YJU2B: variants seen among roughly 807,000 people sequenced by gnomAD.
The protein encoded by YJU2B is probable splicing factor YJU2B.
Under a neutral mutation model 38.0 loss-of-function variants are expected in YJU2B, and 18 were observed. The observed-to-expected ratio is 0.47, with a 90% CI of 0.33 to 0.70. The LOEUF is 0.70. Among genes scored for constraint, YJU2B ranks in the 30% least tolerant of loss-of-function variants. The pLI, the probability that YJU2B is intolerant of heterozygous loss-of-function variation, is 0.02. For missense variants in YJU2B, 538 were observed against 556.3 expected (o/e 0.97, Z 0.33); for synonymous variants, 246 against 225.4 (o/e 1.09, Z -0.82).
Position 13,763,045 on chromosome 19 carries a change from T to G in YJU2B, c.1168T>G (p.Tyr390Asp). Reference protein sequence around the residue: ...CSLGSSLVADYSDSESE With the variant: ...CSLGSSLVADDSDSESE ...TCTCGGCTCCTCCCTCGTGGCGGAC[T>G]ACTCCGACTCGGAGAGTGAGTGAGC... The change falls in exon 10 of 10, where the codon TAC becomes GAC. Residue 390 changes from tyrosine to aspartate, a missense_variant. Tyr to Asp is a radical substitution (Grantham distance 160, BLOSUM62 -3). Coordinates refer to ENST00000221554, the MANE Select transcript of YJU2B (RefSeq NM_030818.4). 1 of 1,566,434 alleles carries G rather than the reference T, an allele frequency of 6.4e-7. No individual in the cohort carries two copies. Among genetic ancestry groups the G allele is most frequent in the Non-Finnish European group, 8.7e-7 (1 of 1,155,394 alleles).
At chr19:13,740,185 T>C (rs1328718057) in intron 2 of YJU2B, among the ~76,000 whole-genome samples, 3 of 152,172 alleles carry the variant, frequency 2.0e-5, no homozygotes, top group Non-Finnish European at 4.4e-5. Flanking sequence ...AAGCCATCAC[T>C]CTCAGCAAAC....
chr19:13,758,766 T>C, intron 6 of YJU2B, 102 bp from the exon 7 acceptor site: 1 of 1,406,538 alleles, frequency 7.1e-7, no homozygotes, highest in Non-Finnish European at 9.8e-7. Context: ...AGTGAATTTT[T>C]GTCAAATGAC....
In YJU2B at chr19:13,752,560, G is replaced by A. The variant is rs559223799; in HGVS notation, c.3+749G>A. ...GGAGTTTGAGACTACCCTGGCCAAC[G>A]TGGTGAAACCCCGTCTCTACTAAAA... On this transcript the variant is annotated intron_variant, in intron 2 of 9. Coordinates refer to ENST00000221554, the MANE Select transcript of YJU2B (RefSeq NM_030818.4). 1.1e-4 allele frequency among the ~76,000 whole-genome samples: 16 copies of A among 152,048 alleles called. No homozygotes were observed. The South Asian group carries it at 3.1e-3, about 30-fold the overall frequency.
chr19:13,742,922 A>AC (rs946943210), upstream of YJU2B, among the ~76,000 whole-genome samples: 16 of 151,700 alleles, frequency 1.1e-4, no homozygotes, highest in African/African-American at 3.9e-4. Context: ...CCTACAGCAC[A>AC]CCCCCCACCT....
chr19:13,746,125 A>ACTACTC (rs1973244058), upstream of YJU2B, among the ~76,000 whole-genome samples: 1 of 151,866 alleles, frequency 6.6e-6, no homozygotes, highest in African/African-American at 2.4e-5. Flanking sequence ...GGTGGCGGGC[A>ACTACTC]CCTGTAGTCC....
rs777624240 is a variant in YJU2B, at chr19:13,762,621, C to T, written c.744C>T (p.Thr248=). The T allele has an allele frequency of 2.0e-6, 3 of 1,532,696 alleles. No individual in the cohort carries two copies. Among genetic ancestry groups the T allele is most frequent in the African/African-American group, 2.8e-5 (2 of 72,660 alleles). The allele number at this position is 1,532,696 out of a possible 1,614,324, so 94.9% of individuals were successfully genotyped here. ...AGGACAAGCAGAAACTCAAGCGGACCGAGATCATCAGCCGCTCCTGGTTCC... is the reference window on the plus strand; with the variant it reads ...AGGACAAGCAGAAACTCAAGCGGACTGAGATCATCAGCCGCTCCTGGTTCC... The part of the protein sequence containing the change: ...SYEDKQKLKR[T]EIISRSWFPS... The change falls in exon 10 of 10, where the codon ACC becomes ACT. Residue 248 remains threonine, a synonymous_variant. Coordinates refer to ENST00000221554, the MANE Select transcript of YJU2B (RefSeq NM_030818.4).
At chr19:13,759,814 T>TTTTG (rs1973820620) in intron 8 of YJU2B, among the ~76,000 whole-genome samples, 1 of 149,670 alleles carries the variant, frequency 6.7e-6, no homozygotes, top group African/African-American at 2.5e-5. Context: ...TTTTTTTTTT[T>TTTTG]GAGACTGAGT....
At chr19:13,736,781 C>T (rs1972959366) in intron 2 of YJU2B, among the ~76,000 whole-genome samples, 1 of 151,778 alleles carries the variant, frequency 6.6e-6, no homozygotes, top group African/African-American at 2.4e-5. Context: ...CCTGTCGTCC[C>T]AGCACTTTGG....
upstream of YJU2B, among the ~76,000 whole-genome samples, chr19:13,743,153 T>TTTTTTTTTTTGAGACGGAGTC: frequency 6.6e-6 from 1 of 152,136 alleles, no homozygotes; most frequent in African/African-American, 2.4e-5. Flanking sequence ...TGGGGGTTTT[T>TTTTTTTTTTTGAGACGGAGTC]TAAGGCAGGT....
In YJU2B at chr19:13,750,857, CAAAAAAAA is replaced by C. The variant is rs908775840; in HGVS notation, c.-201-735_-201-728del. ...TGGGTGATAGAGTGAGACTCCGTCT[CAAAAAAAA>C]AAAAAAAAAAAAAAAGCCTGTAACA... On this transcript the variant is annotated intron_variant, in intron 1 of 9. Transcript: ENST00000221554. Among the ~76,000 whole-genome samples, 39 of 62,018 alleles carry C rather than the reference CAAAAAAAA, an allele frequency of 6.3e-4. 1 individual carries two copies. Among genetic ancestry groups the C allele is most frequent in the African/African-American group, 2.5e-3 (39 of 15,918 alleles). 40.7% of individuals were successfully genotyped at this position (62,018 alleles called of 152,430 possible).
In YJU2B at chr19:13,739,576, G is replaced by T. The variant is rs113517723; in HGVS notation, c.-202+7291G>T. Among the ~76,000 whole-genome samples, 1,280 of 152,172 alleles carry T rather than the reference G, an allele frequency of 8.4e-3. 15 individuals are homozygous for T. Among genetic ancestry groups the T allele is most frequent in the African/African-American group, 0.03 (1,226 of 41,512 alleles). On this transcript the variant is annotated intron_variant, in intron 2 of 10. Transcript: ENST00000586600. ...CCACCTCCCTGATACTGGCACCACTGGCCTTATTCCTGCCTTTGTGGGCCA... is the reference window on the plus strand; with the variant it reads ...CCACCTCCCTGATACTGGCACCACTTGCCTTATTCCTGCCTTTGTGGGCCA...
At chr19:13,757,549 G>A in intron 5 of YJU2B, 76 bp downstream of exon 5, 1 of 1,288,598 alleles carries the variant, frequency 7.8e-7, no homozygotes, top group South Asian at 1.2e-5. Flanking sequence ...CGGGGTGGGG[G>A]TGGGAGGGTC....
chr19:13,749,089 C>T (rs1366618227), intron 1 of YJU2B, among the ~76,000 whole-genome samples: 4 of 152,130 alleles, frequency 2.6e-5, no homozygotes, highest in African/African-American at 7.2e-5. Flanking sequence ...CTGCAACCTC[C>T]GCCTCCCAGA....
Position 13,751,708 on chromosome 19 carries a change from C to A in YJU2B, c.-101C>A. The A allele has an allele frequency of 7.6e-7, 1 of 1,310,858 alleles. No homozygotes were observed. The allele number at this position is 1,310,858 out of a possible 1,614,324, so 81.2% of individuals were successfully genotyped here. A position where few individuals can be genotyped will look rare whatever the true frequency, so the allele number is the denominator to read the frequency against. ...ATCTTCGCAGGGAAGCCTGTGGACC[C>A]TCTGCCAGGCTCCACAAGAGGTCAG... On this transcript the variant is annotated 5_prime_UTR_variant, in exon 2 of 10. Coordinates refer to ENST00000221554, the MANE Select transcript of YJU2B (RefSeq NM_030818.4).
chr19:13,737,529 G>A (rs895343124), intron 2 of YJU2B, among the ~76,000 whole-genome samples: 5 of 150,112 alleles, frequency 3.3e-5, no homozygotes, highest in African/African-American at 1.2e-4. Flanking sequence ...GCTCACACCT[G>A]TAATCCCAGC....
rs1208185935 is a variant in YJU2B, at chr19:13,757,797, A to G, written c.208A>G (p.Asn70Asp). The G allele has an allele frequency of 1.2e-6, 2 of 1,614,090 alleles. No homozygotes were observed. The highest frequency in any genetic ancestry group is 1.7e-5 in the Admixed American group (1 of 60,012). The change falls in exon 6 of 10, where the codon AAT becomes GAT. Residue 70 changes from asparagine to aspartate, a missense_variant. Asn to Asp is a conservative substitution (Grantham distance 23, BLOSUM62 1). Coordinates refer to ENST00000221554, the MANE Select transcript of YJU2B (RefSeq NM_030818.4). Reference sequence around the variant, plus strand: ...TGACCCCCTTCCAGGTGTTCGTTACAATGCAGAAAAGAAGAAGGTGGGCAA... The same window carrying G: ...TGACCCCCTTCCAGGTGTTCGTTACGATGCAGAAAAGAAGAAGGTGGGCAA... ...KNHIGMGVRYNAEKKKVGNYY... is the reference protein window; with the variant it reads ...KNHIGMGVRYDAEKKKVGNYY...
intron 2 of YJU2B, among the ~76,000 whole-genome samples, chr19:13,734,987 A>G (rs1013102591): frequency 3.3e-5 from 5 of 152,222 alleles, no homozygotes; most frequent in African/African-American, 9.6e-5. Context: ...ATTGTAATCA[A>G]CAGTTCAACT....
At chr19:13,743,945 A>G (rs1310522348), upstream of YJU2B, among the ~76,000 whole-genome samples, 1 of 152,034 alleles carries the variant, frequency 6.6e-6, no homozygotes, top group Non-Finnish European at 1.5e-5. Flanking sequence ...TGTAATCCCA[A>G]CACTTTGGGA....
intron 2 of YJU2B, among the ~76,000 whole-genome samples, chr19:13,752,814 A>G (rs1599519887): frequency 6.6e-6 from 1 of 152,140 alleles, no homozygotes; most frequent in South Asian, 2.1e-4. Context: ...TCAGGAGGCT[A>G]AGGCACGAGG....
Sources: gnomAD v4.1 joint callset for allele counts (sites outside exome capture counted in the v4.1 genomes callset) on GRCh38, gnomAD v4.1.1 for gene constraint, MANE v1.5 for transcripts, NCBI Gene and HGNC (gene_info 2026-07-23, HGNC 2026-07-21) for gene names.